KLHL32: variants seen among roughly 807,000 people sequenced by gnomAD.
The protein encoded by KLHL32 is kelch-like protein 32.
Under a neutral mutation model 64.8 loss-of-function variants are expected in KLHL32, and 35 were observed. That is an observed-to-expected ratio of 0.54 (90% CI 0.41 to 0.72). The LOEUF is 0.72. KLHL32 is among the 30% of genes least tolerant of loss of function. The pLI, the probability that KLHL32 is intolerant of heterozygous loss-of-function variation, is 0.00. For missense variants in KLHL32, 589 were observed against 768.5 expected (o/e 0.77, Z 2.76); for synonymous variants, 259 against 281.0 (o/e 0.92, Z 0.78).
At chr6:96,940,113 A>G (rs13192437) in intron 1 of KLHL32, among the ~76,000 whole-genome samples, 48,713 of 152,006 alleles carry the variant, frequency 0.32, 8,143 homozygotes, top group African/African-American at 0.4. Flanking sequence ...GGTGCCATTT[A>G]TATGGGTTAT....
intron 1 of KLHL32, among the ~76,000 whole-genome samples, chr6:96,928,742 A>G (rs978587569): frequency 6.6e-6 from 1 of 152,192 alleles, no homozygotes; most frequent in African/African-American, 2.4e-5. Flanking sequence ...TGGAGTGGGT[A>G]AATATATGGA....
chr6:97,114,572 T>G (rs1797621893), intron 7 of KLHL32, 63 bp downstream of exon 7: 2 of 1,587,554 alleles, frequency 1.3e-6, no homozygotes, highest in African/African-American at 2.7e-5. Flanking sequence ...TATTTAAAAG[T>G]CAAGCTTTAA....
At chr6:97,057,200 T>G (rs1218169268) in intron 4 of KLHL32, among the ~76,000 whole-genome samples, 2 of 113,462 alleles carry the variant, frequency 1.8e-5, no homozygotes, top group Admixed American at 9.5e-5. Context: ...TTTTTTTTTT[T>G]TGAGACGGAG....
intron 2 of KLHL32, among the ~76,000 whole-genome samples, chr6:96,975,574 T>G (rs1196463876): frequency 1.3e-5 from 2 of 151,962 alleles, no homozygotes; most frequent in Non-Finnish European, 2.9e-5. Flanking sequence ...ATCAGGGAAT[T>G]AGAGAGAGGG....
At chr6:96,946,937 T>G (rs1279642674) in intron 1 of KLHL32, among the ~76,000 whole-genome samples, 1 of 151,954 alleles carries the variant, frequency 6.6e-6, no homozygotes, top group Non-Finnish European at 1.5e-5. Flanking sequence ...TTGGGTTCTA[T>G]ATACTTATTA....
chr6:97,062,336 A>G (rs533743886), intron 4 of KLHL32: 13 of 152,378 alleles, frequency 8.5e-5, no homozygotes, highest in African/African-American at 2.9e-4. Flanking sequence ...TCCTTAGGCC[A>G]TGCCTCTTCT....
intron 3 of KLHL32, among the ~76,000 whole-genome samples, chr6:97,009,407 C>A (rs1182092703): frequency 6.6e-6 from 1 of 152,078 alleles, no homozygotes; most frequent in Non-Finnish European, 1.5e-5. Context: ...AACACATTGG[C>A]TCTCTGGGCA....
At chr6:97,028,556 A>C (rs984205268) in intron 3 of KLHL32, among the ~76,000 whole-genome samples, 1 of 151,786 alleles carries the variant, frequency 6.6e-6, no homozygotes, top group Non-Finnish European at 1.5e-5. Context: ...CTTTTTTCAT[A>C]TTTTCTCTGA....
intron 3 of KLHL32, among the ~76,000 whole-genome samples, chr6:97,024,261 C>T (rs552006197): frequency 6.6e-6 from 1 of 152,344 alleles, no homozygotes; most frequent in South Asian, 2.1e-4. Flanking sequence ...ATTCGATAAG[C>T]ATTAATTGCC....
intron 3 of KLHL32, among the ~76,000 whole-genome samples, chr6:96,988,101 A>G (rs1436040105): frequency 1.3e-5 from 2 of 152,264 alleles, no homozygotes; most frequent in South Asian, 4.1e-4. Context: ...AAATAGACAA[A>G]TGGGATCTAA....
At chr6:96,951,170 G>A (rs1582451307) in intron 1 of KLHL32, among the ~76,000 whole-genome samples, 1 of 152,040 alleles carries the variant, frequency 6.6e-6, no homozygotes, top group Non-Finnish European at 1.5e-5. Flanking sequence ...CATGGTCTCG[G>A]TTTGATGATA....
chr6:96,906,600 G>A, the KLHL32 span, among the ~76,000 whole-genome samples: 1 of 152,286 alleles, frequency 6.6e-6, no homozygotes, highest in East Asian at 1.9e-4. Flanking sequence ...CATGTGGGAG[G>A]TTAAGTTTTT....
chr6:97,130,373 A>G (rs1799304361), intron 8 of KLHL32, among the ~76,000 whole-genome samples: 1 of 152,170 alleles, frequency 6.6e-6, no homozygotes, highest in Non-Finnish European at 1.5e-5. Flanking sequence ...TTTCTTAATC[A>G]TTGCACCACT....
At chr6:97,002,326 C>T (rs1779135760) in intron 3 of KLHL32, among the ~76,000 whole-genome samples, 1 of 152,192 alleles carries the variant, frequency 6.6e-6, no homozygotes, top group South Asian at 2.1e-4. Flanking sequence ...AATTCCTTGA[C>T]TTGCTTCTGG....
intron 5 of KLHL32, among the ~76,000 whole-genome samples, chr6:97,081,893 C>T (rs952305093): frequency 1.3e-5 from 2 of 152,168 alleles, no homozygotes; most frequent in African/African-American, 4.8e-5. Flanking sequence ...AGGTTGTTGT[C>T]ATGGCTAGAG....
the KLHL32 span, among the ~76,000 whole-genome samples, chr6:96,900,917 A>C: frequency 6.6e-6 from 1 of 152,244 alleles, no homozygotes; most frequent in Non-Finnish European, 1.5e-5. Context: ...GTAGGAGTCC[A>C]ACTGAAATAA....
chr6:97,000,790 T>G (rs1307262425), intron 3 of KLHL32, among the ~76,000 whole-genome samples: 2 of 152,190 alleles, frequency 1.3e-5, no homozygotes, highest in Admixed American at 1.3e-4. Flanking sequence ...ACGAAGATGT[T>G]ACTCAGTAGG....
chr6:96,899,666 C>A, the KLHL32 span, among the ~76,000 whole-genome samples: 2 of 152,176 alleles, frequency 1.3e-5, no homozygotes, highest in South Asian at 4.1e-4. Flanking sequence ...CAGATGCACT[C>A]CATCAGAAAC....
intron 6 of KLHL32, among the ~76,000 whole-genome samples, chr6:97,107,040 C>A (rs1796502743): frequency 6.6e-6 from 1 of 152,116 alleles, no homozygotes; most frequent in African/African-American, 2.4e-5. Context: ...CACCTGTAAT[C>A]CCAGCACTTT....
Sources: allele counts gnomAD v4.1 joint callset (sites outside exome capture counted in the v4.1 genomes callset), GRCh38; gene constraint gnomAD v4.1.1; transcripts MANE v1.5; gene names NCBI Gene and HGNC (gene_info 2026-07-23, HGNC 2026-07-21).